Variants in MAST1 observed in about 807,000 individuals in gnomAD.
MAST1 encodes the protein microtubule associated serine/threonine kinase 1.
A neutral mutation model predicts 124.6 loss-of-function variants in MAST1; 40 were observed. The ratio of observed to expected loss-of-function variants is 0.32; its 90% CI spans 0.25 to 0.42. The LOEUF is 0.42. Ranked by LOEUF, MAST1 falls within the 10% of genes least tolerant of loss-of-function variation. The pLI is 1.00. For missense variants in MAST1, 1,558 were observed against 2,181.9 expected (o/e 0.71, Z 5.70); for synonymous variants, 938 against 939.4 (o/e 1.00, Z 0.03).
At chr19:12,871,630 C>CA (rs949777129) in intron 24 of MAST1, among the ~76,000 whole-genome samples, 4 of 150,648 alleles carry the variant, frequency 2.7e-5, no homozygotes, top group Admixed American at 2.0e-4. Context: ...AACAAACAAA[C>CA]AAAAAAAGAG....
In MAST1 at chr19:12,871,064, C is replaced by G; in HGVS notation, c.3155C>G (p.Thr1052Arg). The G allele has an allele frequency of 1.2e-6, 2 of 1,614,194 alleles. No homozygotes were observed. The highest frequency in any genetic ancestry group is 1.3e-5 in the African/African-American group (1 of 75,056). ...KSGNKVAVTT[T>R]PFENTSIRIG... ...GGCAACAAGGTAGCAGTGACCACAACGCCCTTCGAAAATACCTCTATCCGC... is the reference window on the plus strand; with the variant it reads ...GGCAACAAGGTAGCAGTGACCACAAGGCCCTTCGAAAATACCTCTATCCGC... Residue 1052 changes from threonine to arginine, a missense_variant, in exon 24 of 26, where the codon ACG becomes AGG. Thr to Arg is a moderately conservative substitution (Grantham distance 71). Transcript: ENST00000251472.
intron 7 of MAST1, among the ~76,000 whole-genome samples, chr19:12,851,420 C>A (rs1007675187): frequency 2.0e-5 from 3 of 151,998 alleles, no homozygotes; most frequent in African/African-American, 7.3e-5. Flanking sequence ...CACACTACCA[C>A]ACCTGGCTAA....
chr19:12,847,744 CCTTATCCCCGCG>C lies in MAST1; in HGVS notation c.564+59_564+70del, dbSNP rs1969912009. 6.3e-7 allele frequency: 1 copy of C among 1,595,850 alleles called. No individual in the cohort carries two copies. The highest frequency in any genetic ancestry group is 8.6e-7 in the Non-Finnish European group (1 of 1,168,654). On this transcript the variant is annotated intron_variant, in intron 6 of 25. Coordinates refer to ENST00000251472, the MANE Select transcript of MAST1 (RefSeq NM_014975.3). This position sits in a 1 kb window ranked among gnomAD's most constrained non-coding sequence, Gnocchi z 5.5. ...ACCAGGCGGCCTGCACTCTCGCTCG[CCTTATCCCCGCG>C]CGCCCCCTGGCGGCCTCGGTGCGCA...
rs1341690540 is a variant in MAST1, at chr19:12,847,747, T to C, written c.564+60T>C. 2 of 1,592,894 alleles carry C rather than the reference T, an allele frequency of 1.3e-6. No individual in the cohort carries two copies. The highest frequency in any genetic ancestry group is 2.7e-5 in the African/African-American group (2 of 74,288). On this transcript the variant is annotated intron_variant, in intron 6 of 25. Coordinates refer to ENST00000251472, the MANE Select transcript of MAST1 (RefSeq NM_014975.3). This position sits in a 1 kb window ranked among gnomAD's most constrained non-coding sequence, Gnocchi z 5.5. ...AGGCGGCCTGCACTCTCGCTCGCCT[T>C]ATCCCCGCGCGCCCCCTGGCGGCCT...
At position 12,873,311 on chromosome 19, in the gene MAST1, C is replaced by T; in HGVS notation, c.3264-13C>T. 1 of 1,610,444 alleles carries T rather than the reference C, an allele frequency of 6.2e-7. No individual in the cohort carries two copies. The highest frequency in any genetic ancestry group is 8.5e-7 in the Non-Finnish European group (1 of 1,177,374). On this transcript the variant is annotated splice_polypyrimidine_tract_variant and intron_variant, in intron 24 of 25. Coordinates refer to ENST00000251472, the MANE Select transcript of MAST1 (RefSeq NM_014975.3). ...CCAGGTCAAGGACGCTTGGCCCCCT[C>T]CCTGTCCCGCAGCAAGAAGCGCAGC...
chr19:12,856,441 T>C (rs1429956659), intron 10 of MAST1, among the ~76,000 whole-genome samples: 1 of 151,948 alleles, frequency 6.6e-6, no homozygotes, highest in African/African-American at 2.4e-5. Flanking sequence ...CAGCTGGGAT[T>C]ATAGGCAACC....
rs762092297 is a variant in MAST1, at chr19:12,852,408, G to C, written c.1077+13G>C. 6.2e-7 allele frequency: 1 copy of C among 1,613,650 alleles called. No individual in the cohort carries two copies. The highest frequency in any genetic ancestry group is 8.5e-7 in the Non-Finnish European group (1 of 1,179,938). On this transcript the variant is annotated intron_variant, in intron 10 of 25. Coordinates refer to ENST00000251472, the MANE Select transcript of MAST1 (RefSeq NM_014975.3). Reference sequence around the variant, plus strand: ...CGATCTCTCTGAGGTAAGGCTGGGTGGCTAAGCGGTCAGTACCCTGGTTCC... The same window carrying C: ...CGATCTCTCTGAGGTAAGGCTGGGTCGCTAAGCGGTCAGTACCCTGGTTCC...
In MAST1 at chr19:12,874,384, G is replaced by A. The variant is rs1483633123; in HGVS notation, c.4227G>A (p.Lys1409=). 1 of 1,598,450 alleles carries A rather than the reference G, an allele frequency of 6.3e-7. No individual in the cohort carries two copies. Among genetic ancestry groups the A allele is most frequent in the Admixed American group, 1.7e-5 (1 of 59,886 alleles). ...GCGGGATGGCCAGGGCTGTGGCCAA[G>A]GCGGCGCTGAGCCCGGTGCAGGAAC... ...GTGGMARAVA[K]AALSPVQEHE... is the part of the protein sequence containing the mutation. Residue 1409 remains lysine (K), a synonymous_variant, in exon 26 of 26, where the codon AAG becomes AAA. Transcript: ENST00000251472. This position sits in a 1 kb window ranked among gnomAD's most constrained non-coding sequence, Gnocchi z 6.6.
chr19:12,865,204 T>C lies in MAST1; in HGVS notation c.1638+26T>C, dbSNP rs2145907159. ...GTGTGTGTGCGGGCATGGGGGTCGCTGAGGGTGGAGTGACCCTGCAGGACC... is the reference window on the plus strand; with the variant it reads ...GTGTGTGTGCGGGCATGGGGGTCGCCGAGGGTGGAGTGACCCTGCAGGACC... On this transcript the variant is annotated intron_variant, in intron 14 of 25. Coordinates refer to ENST00000251472, the MANE Select transcript of MAST1 (RefSeq NM_014975.3). This position sits in a 1 kb window ranked among gnomAD's most constrained non-coding sequence, Gnocchi z 7.1. 1 of 1,610,558 alleles carries C rather than the reference T, an allele frequency of 6.2e-7. No homozygotes were observed. Among genetic ancestry groups the C allele is most frequent in the South Asian group, 1.1e-5 (1 of 90,586 alleles).
intron 7 of MAST1, among the ~76,000 whole-genome samples, 168 bp from the exon 8 acceptor site, chr19:12,851,766 A>G (rs2145894800): frequency 1.3e-5 from 2 of 152,090 alleles, no homozygotes; most frequent in Middle Eastern, 3.4e-3. Context: ...GATTACAGGC[A>G]TGAGCCACCG....
At position 12,871,099 on chromosome 19, in the gene MAST1, G is replaced by A. The variant is rs878957996; in HGVS notation, c.3190G>A (p.Ala1064Thr). 5.6e-6 allele frequency: 9 copies of A among 1,614,168 alleles called. No homozygotes were observed. Among genetic ancestry groups the A allele is most frequent in the African/African-American group, 5.3e-5 (4 of 75,046 alleles). ...FENTSIRIGP[A>T]RRSSYKAKMA... is the part of the protein sequence containing the mutation. ...AAATACCTCTATCCGCATTGGTCCC[G>A]CAAGGCGCAGCAGCTACAAGGCTAA... is the stretch of plus-strand genomic sequence containing the variant. The change falls in exon 24 of 26, where the codon GCA becomes ACA. Residue 1064 changes from alanine (A) to threonine (T), a missense_variant. Around this residue, in one of 10 missense-constraint regions of MAST1, gnomAD observed 291 missense variants for 475.8 expected, o/e 0.61. Coordinates refer to ENST00000251472, the MANE Select transcript of MAST1 (RefSeq NM_014975.3).
intron 12 of MAST1, among the ~76,000 whole-genome samples, chr19:12,863,388 A>G (rs1337039428): frequency 6.6e-6 from 1 of 152,048 alleles, no homozygotes; most frequent in Non-Finnish European, 1.5e-5. Context: ...ACCCTCAGAG[A>G]GTTTCTGAAA....
At chr19:12,846,870 CAAAAAAAAAAAA>C (rs386388580) in intron 4 of MAST1, among the ~76,000 whole-genome samples, 1 of 47,388 alleles carries the variant, frequency 2.1e-5, no homozygotes, top group African/African-American at 8.6e-5. Context: ...AACTCCATCT[CAAAAAAAAAAAA>C]AAAAAAAAAA....
chr19:12,858,006 CAAAAAAAAAAAAA>C (rs539497049), intron 10 of MAST1, among the ~76,000 whole-genome samples: 1 of 49,446 alleles, frequency 2.0e-5, no homozygotes, highest in Non-Finnish European at 4.2e-5. Context: ...GAACCTATCT[CAAAAAAAAAAAAA>C]AAAAAAAAAA....
chr19:12,858,286 C>A, intron 10 of MAST1, 76 bp from the exon 11 acceptor site: 1 of 1,279,904 alleles, frequency 7.8e-7, no homozygotes, highest in Non-Finnish European at 1.1e-6. Flanking sequence ...TCAGTTTCCC[C>A]ATGTGTAAAA....
In MAST1 at chr19:12,868,898, G is replaced by A. The variant is rs139987966; in HGVS notation, c.2773+49G>A. ...GGGGAGGGGCTGCCCCCCATTTGAG[G>A]CAGGACAGACCAATGAAAATGCTGC... On this transcript the variant is annotated intron_variant, in intron 21 of 25. Transcript: ENST00000251472. The A allele has an allele frequency of 1.8e-3, 2,828 of 1,559,892 alleles. 44 individuals are homozygous for A. In the African/African-American group the frequency reaches 0.034, roughly 19 times the overall value.
intron 7 of MAST1, among the ~76,000 whole-genome samples, chr19:12,849,890 C>A (rs1969940888): frequency 6.6e-6 from 1 of 151,852 alleles, no homozygotes; most frequent in Admixed American, 6.6e-5. Flanking sequence ...CTCCACCTCT[C>A]AGGTTCAAGC....
chr19:12,867,874 G>A lies in MAST1; in HGVS notation c.2463G>A (p.Arg821=), dbSNP rs1277155085. ...QEDEDEARLR[R]PPRPSSDPAG... ...ACGAGGATGAGGCCCGGCTGCGCAGGCCTCCCCGGCCCAGCTCCGACCCCG... is the reference window on the plus strand; with the variant it reads ...ACGAGGATGAGGCCCGGCTGCGCAGACCTCCCCGGCCCAGCTCCGACCCCG... Residue 821 remains arginine (R), a synonymous_variant, in exon 20 of 26, where the codon AGG becomes AGA. Coordinates refer to ENST00000251472, the MANE Select transcript of MAST1 (RefSeq NM_014975.3). The A allele has an allele frequency of 4.4e-6, 7 of 1,606,864 alleles. No homozygotes were observed. The Admixed American group carries it at 6.8e-5, about 16-fold the overall frequency.
intron 3 of MAST1, among the ~76,000 whole-genome samples, chr19:12,842,160 T>C (rs774710493): frequency 5.3e-5 from 8 of 152,154 alleles, no homozygotes; most frequent in Non-Finnish European, 1.0e-4. Flanking sequence ...TCTGTGAATA[T>C]GTGAGAGGAG....
Sources: gnomAD v4.1 joint callset for allele counts (sites outside exome capture counted in the v4.1 genomes callset) on GRCh38, gnomAD v4.1.1 for gene constraint, gnomAD v4.1.1 regional missense constraint, Gnocchi (gnomAD v3.1) non-coding constraint, MANE v1.5 for transcripts, NCBI Gene and HGNC (gene_info 2026-07-23, HGNC 2026-07-21) for gene names.